Variants in TRMT9B observed in about 807,000 individuals in gnomAD.
The protein encoded by TRMT9B is tRNA methyltransferase 9B (putative), also known as probable tRNA methyltransferase 9B.
TRMT9B carries 16 observed loss-of-function variants against 11.5 expected under a neutral mutation model. The ratio of observed to expected loss-of-function variants is 1.39; its 90% CI spans 0.94 to 2.11. TRMT9B has a LOEUF of 2.11. Ranked by LOEUF, TRMT9B falls within the 30% of genes most tolerant of loss-of-function variation. TRMT9B has a pLI of 0.00. For synonymous variants in TRMT9B, 274 were observed against 192.4 expected, an observed-to-expected ratio of 1.42 and a Z score of -3.51; for missense variants, 941 against 553.8, an observed-to-expected ratio of 1.70 and a Z score of -7.02.
chr8:12,982,584 C>T (rs938614016), intron 1 of TRMT9B, among the ~76,000 whole-genome samples: 2 of 152,026 alleles, frequency 1.3e-5, no homozygotes, highest in African/African-American at 4.8e-5. Flanking sequence ...ATCACTGGAA[C>T]CCAAGAGGCG....
chr8:12,959,095 T>C (rs1373282558), intron 1 of TRMT9B, among the ~76,000 whole-genome samples: 1 of 152,070 alleles, frequency 6.6e-6, no homozygotes, highest in Non-Finnish European at 1.5e-5. Context: ...AGTATAATAA[T>C]AATAATAAAA....
At chr8:13,017,089 C>G (rs1271602248) in intron 4 of TRMT9B, among the ~76,000 whole-genome samples, 1 of 132,328 alleles carries the variant, frequency 7.6e-6, no homozygotes, top group Non-Finnish European at 1.7e-5. Context: ...CACCACTGCA[C>G]TCCAGCCTGG....
intron 1 of TRMT9B, among the ~76,000 whole-genome samples, chr8:12,977,344 C>G (rs1804615582): frequency 6.6e-6 from 1 of 152,144 alleles, no homozygotes; most frequent in African/African-American, 2.4e-5. Flanking sequence ...GTTCACGACC[C>G]CAGTGGAGCA....
chr8:12,961,498 G>C (rs549830014), intron 1 of TRMT9B, among the ~76,000 whole-genome samples: 3 of 151,842 alleles, frequency 2.0e-5, no homozygotes, highest in African/African-American at 2.4e-5. Context: ...TCAGGAGATG[G>C]AGACCATCCT....
At chr8:12,993,288 A>G (rs1563380040) in intron 2 of TRMT9B, among the ~76,000 whole-genome samples, 1 of 152,206 alleles carries the variant, frequency 6.6e-6, no homozygotes, top group Non-Finnish European at 1.5e-5. Context: ...GTATAGAAAA[A>G]TTAACCCTGC....
intron 1 of TRMT9B, among the ~76,000 whole-genome samples, chr8:12,979,041 T>C (rs1207423956): frequency 6.6e-6 from 1 of 152,200 alleles, no homozygotes; most frequent in East Asian, 1.9e-4. Flanking sequence ...AAGTGGCCAG[T>C]TACAGACTTG....
At chr8:12,969,828 C>CG (rs1176317747) in intron 1 of TRMT9B, among the ~76,000 whole-genome samples, 2 of 151,006 alleles carry the variant, frequency 1.3e-5, no homozygotes, top group Non-Finnish European at 2.9e-5. Flanking sequence ...TGCACCACCA[C>CG]ACCCAGCTAA....
At position 13,022,135 on chromosome 8, in the gene TRMT9B, T is replaced by A. The variant is rs750143528; in HGVS notation, c.*91T>A. The A allele has an allele frequency of 1.4e-4, 127 of 936,328 alleles. 1 individual carries two copies. Among genetic ancestry groups the A allele is most frequent in the Non-Finnish European group, 2.0e-4 (125 of 629,466 alleles). 58.0% of individuals were successfully genotyped at this position (936,328 alleles called of 1,614,324 possible). A position where few individuals can be genotyped will look rare whatever the true frequency, so the allele number is the denominator to read the frequency against. On this transcript the variant is annotated 3_prime_UTR_variant, in exon 5 of 5. Coordinates refer to ENST00000524591, the MANE Select transcript of TRMT9B (RefSeq NM_020844.3). The stretch of plus-strand genomic sequence containing the variant: ...TACCTGAATTTGCATTCAGTGTTAT[T>A]TGTTAATCCATTTACGCTTTGGTCT...
chr8:12,998,751 C>G (rs567040717), intron 2 of TRMT9B, among the ~76,000 whole-genome samples: 14 of 152,184 alleles, frequency 9.2e-5, no homozygotes, highest in Non-Finnish European at 1.9e-4. Context: ...CTTGATGAGA[C>G]AGTAGAAAAA....
At chr8:12,970,852 C>G (rs1803506519) in intron 1 of TRMT9B, among the ~76,000 whole-genome samples, 1 of 152,146 alleles carries the variant, frequency 6.6e-6, no homozygotes, top group Non-Finnish European at 1.5e-5. Context: ...AGAAGAAATT[C>G]AAGTCTGCAT....
At chr8:12,991,053 T>G in intron 2 of TRMT9B, 22 bp downstream of exon 2, 1 of 1,161,764 alleles carries the variant, frequency 8.6e-7, no homozygotes, top group Non-Finnish European at 1.1e-6. Context: ...TCAGCGCTTC[T>G]GCAACTCACA....
intron 2 of TRMT9B, among the ~76,000 whole-genome samples, chr8:13,002,672 T>C (rs765561249): frequency 6.6e-6 from 1 of 152,204 alleles, no homozygotes; most frequent in Non-Finnish European, 1.5e-5. Context: ...GATGGAATTA[T>C]ATTATCATCA....
At chr8:12,952,322 C>T (rs758179149) in intron 1 of TRMT9B, 22 of 341,662 alleles carry the variant, frequency 6.4e-5, no homozygotes, top group Middle Eastern at 4.0e-4. Flanking sequence ...TCGTCTAGCG[C>T]GTGCCCCGGA....
intron 2 of TRMT9B, among the ~76,000 whole-genome samples, chr8:12,998,028 T>C (rs1438870120): frequency 6.6e-6 from 1 of 152,198 alleles, no homozygotes; most frequent in Non-Finnish European, 1.5e-5. Context: ...GTGTGTTTCC[T>C]GCCCGTCTCC....
intron 1 of TRMT9B, among the ~76,000 whole-genome samples, chr8:12,984,284 C>G (rs919817566): frequency 1.3e-5 from 2 of 152,188 alleles, no homozygotes; most frequent in Admixed American, 1.3e-4. Flanking sequence ...CGAAACACTT[C>G]TGGTCCCAAG....
intron 2 of TRMT9B, among the ~76,000 whole-genome samples, chr8:12,992,309 A>G (rs2128879610): frequency 6.6e-6 from 1 of 152,250 alleles, no homozygotes; most frequent in South Asian, 2.1e-4. Flanking sequence ...AGTTCATGAC[A>G]GTATCCGGAA....
intron 1 of TRMT9B, among the ~76,000 whole-genome samples, chr8:12,983,157 T>A (rs1283415714): frequency 2.0e-5 from 3 of 152,094 alleles, no homozygotes; most frequent in Admixed American, 6.5e-5. Flanking sequence ...AAAGGAAGCA[T>A]TTATGTAGTA....
In TRMT9B at chr8:12,990,923, G is replaced by T; in HGVS notation, c.-110G>T. 2.3e-6 allele frequency: 3 copies of T among 1,289,178 alleles called. No homozygotes were observed. Among genetic ancestry groups the T allele is most frequent in the South Asian group, 1.2e-5 (1 of 80,962 alleles). The allele number at this position is 1,289,178 out of a possible 1,614,324, so 79.9% of individuals were successfully genotyped here. Reference sequence around the variant, plus strand: ...TTCACTCCTACAAGTTTTCATTTACGTTACACATTGAGAAAGTTATGAGAA... The same window carrying T: ...TTCACTCCTACAAGTTTTCATTTACTTTACACATTGAGAAAGTTATGAGAA... On this transcript the variant is annotated 5_prime_UTR_variant, in exon 2 of 5. Transcript: ENST00000524591.
chr8:13,026,883 A>G lies in TRMT9B; in HGVS notation c.*4839A>G, dbSNP rs368208429. 3 of 167,096 alleles carry G rather than the reference A, an allele frequency of 1.8e-5. No individual in the cohort carries two copies. Among genetic ancestry groups the G allele is most frequent in the Non-Finnish European group, 4.4e-5 (3 of 68,120 alleles). 10.4% of individuals were successfully genotyped at this position (167,096 alleles called of 1,614,324 possible). A position where few individuals can be genotyped will look rare whatever the true frequency, so the allele number is the denominator to read the frequency against. ...TATCCCCTTTCCAAATGAGCTTTGG[A>G]AAAGTTTAAGCAAAGATTACACAGC... On this transcript the variant is annotated 3_prime_UTR_variant, in exon 5 of 5. Coordinates refer to ENST00000524591, the MANE Select transcript of TRMT9B (RefSeq NM_020844.3).
Sources: allele counts gnomAD v4.1 joint callset (sites outside exome capture counted in the v4.1 genomes callset), GRCh38; gene constraint gnomAD v4.1.1; transcripts MANE v1.5; gene names NCBI Gene and HGNC (gene_info 2026-07-23, HGNC 2026-07-21).